Variants in SOX6 observed in about 807,000 individuals in gnomAD.
SOX6 encodes the protein transcription factor SOX-6.
A neutral mutation model predicts 97.8 loss-of-function variants in SOX6; 11 were observed. That is an observed-to-expected ratio of 0.11 (90% CI 0.07 to 0.19). SOX6 has a LOEUF of 0.19. Among genes scored for constraint, SOX6 ranks in the 10% least tolerant of loss-of-function variants. SOX6 has a pLI of 1.00. For missense variants in SOX6, 810 were observed against 1,039.5 expected (o/e 0.78, Z 3.04); for synonymous variants, 360 against 371.4 (o/e 0.97, Z 0.35).
At chr11:16,173,089 A>G (rs995280125) in intron 6 of SOX6, among the ~76,000 whole-genome samples, 2 of 151,952 alleles carry the variant, frequency 1.3e-5, no homozygotes, top group Non-Finnish European at 2.9e-5. Context: ...TTGGGAGGAT[A>G]AGAGTTAGAA....
At chr11:16,230,018 G>A (rs1852802512) in intron 4 of SOX6, among the ~76,000 whole-genome samples, 1 of 151,754 alleles carries the variant, frequency 6.6e-6, no homozygotes. Flanking sequence ...ATAAAATGAT[G>A]CAGTACATTT....
At chr11:15,993,090 T>A (rs1224619040) in intron 13 of SOX6, among the ~76,000 whole-genome samples, 1 of 152,134 alleles carries the variant, frequency 6.6e-6, no homozygotes, top group Non-Finnish European at 1.5e-5. Flanking sequence ...CATATGATTA[T>A]GTGTGTGTGT....
intron 13 of SOX6, among the ~76,000 whole-genome samples, chr11:16,004,724 A>T (rs1397147747): frequency 6.6e-6 from 1 of 152,046 alleles, no homozygotes; most frequent in Admixed American, 6.6e-5. Flanking sequence ...CTATAGGAAA[A>T]AGCTAATCCA....
chr11:16,473,552 C>CTT (rs61587370), intron 1 of SOX6, among the ~76,000 whole-genome samples: 48 of 132,784 alleles, frequency 3.6e-4, no homozygotes, highest in Middle Eastern at 4.0e-3. Flanking sequence ...GTGACAATTC[C>CTT]TTTTTTTTTT....
In SOX6 at chr11:16,379,775, A is replaced by G. The variant is rs536031784; in HGVS notation, c.-4-38523T>C. Among the ~76,000 whole-genome samples the G allele has an allele frequency of 3.3e-5, 5 of 152,110 alleles. No individual in the cohort carries two copies. In the South Asian group the frequency reaches 1.0e-3, roughly 31 times the overall value. ...TAAAGAAATAATTACAGATGTGTGC[A>G]AAGATTTAGCTACAGATGAGTTTAC... On this transcript the variant is annotated intron_variant, in intron 1 of 15. Transcript: ENST00000396356.
At chr11:16,616,120 C>G (rs1723770557) in intron 3 of SOX6, among the ~76,000 whole-genome samples, 1 of 152,084 alleles carries the variant, frequency 6.6e-6, no homozygotes, top group African/African-American at 2.4e-5. Context: ...ACCCACTTGC[C>G]TCTTCCCAAA....
chr11:16,352,324 T>C (rs1856971183), intron 1 of SOX6, among the ~76,000 whole-genome samples: 1 of 151,672 alleles, frequency 6.6e-6, no homozygotes, highest in Non-Finnish European at 1.5e-5. Context: ...GTTGAAGAGA[T>C]GGTTGAAAAG....
intron 3 of SOX6, among the ~76,000 whole-genome samples, chr11:16,616,929 A>T (rs1417867598): frequency 6.6e-6 from 1 of 151,946 alleles, no homozygotes; most frequent in East Asian, 1.9e-4. Flanking sequence ...CAGTTCTAAA[A>T]GAAGACTGAA....
In SOX6 at chr11:16,055,832, G is replaced by C. The variant is rs542653072; in HGVS notation, c.1171C>G (p.Pro391Ala). The C allele has an allele frequency of 6.2e-7, 1 of 1,613,780 alleles. No homozygotes were observed. Among genetic ancestry groups the C allele is most frequent in the African/African-American group, 1.3e-5 (1 of 74,996 alleles). The stretch of plus-strand genomic sequence containing the variant: ...GAGACCGTCCCTGCTGTGTTTGGTG[G>C]CTGTGGAGTTGATGGCATCTTTGCT... ...PGAKMPSTPQ[P>A]PNTAGTVSPT... Residue 391 changes from proline to alanine, a missense_variant, in exon 10 of 16, where the codon CCA becomes GCA. Physicochemically the swap from Pro to Ala is conservative, Grantham distance 27. Transcript: ENST00000683767.
At position 15,971,879 on chromosome 11, in the gene SOX6, A is replaced by C. The variant is rs1050345556; in HGVS notation, c.*930T>G. 2.6e-5 allele frequency: 4 copies of C among 152,618 alleles called. No homozygotes were observed. Among genetic ancestry groups the C allele is most frequent in the African/African-American group, 9.7e-5 (4 of 41,440 alleles). 9.5% of individuals were successfully genotyped at this position (152,618 alleles called of 1,614,324 possible). A position where few individuals can be genotyped will look rare whatever the true frequency, so the allele number is the denominator to read the frequency against. On this transcript the variant is annotated 3_prime_UTR_variant, in exon 16 of 16. Transcript: ENST00000683767. Reference sequence around the variant, plus strand: ...CTGGAATGAATAAATTATTTAAGATAAAATGTGTTAAGACTGAATGTCAGG... The same window carrying C: ...CTGGAATGAATAAATTATTTAAGATCAAATGTGTTAAGACTGAATGTCAGG...
intron 15 of SOX6, among the ~76,000 whole-genome samples, chr11:15,979,694 C>T (rs530862856): frequency 6.6e-6 from 1 of 152,208 alleles, no homozygotes; most frequent in African/African-American, 2.4e-5. Flanking sequence ...CGCCTCAAAA[C>T]CTTTACAGTT....
At chr11:16,653,275 C>A (rs967853460) in intron 3 of SOX6, among the ~76,000 whole-genome samples, 9 of 152,102 alleles carry the variant, frequency 5.9e-5, no homozygotes, top group Non-Finnish European at 1.2e-4. Context: ...GGGTATCTAC[C>A]CAGAGGAAAA....
chr11:16,122,492 A>G (rs1432902267), intron 6 of SOX6, among the ~76,000 whole-genome samples: 1 of 152,004 alleles, frequency 6.6e-6, no homozygotes, highest in Admixed American at 6.6e-5. Context: ...AATATTTGTG[A>G]ATAATATGGC....
intron 12 of SOX6, among the ~76,000 whole-genome samples, chr11:16,046,301 A>G (rs1026133643): frequency 2.6e-5 from 4 of 152,170 alleles, no homozygotes; most frequent in Non-Finnish European, 4.4e-5. Flanking sequence ...GTAGGTTGGG[A>G]GGCAACTTAC....
At chr11:16,409,553 T>A (rs1305846586) in intron 1 of SOX6, among the ~76,000 whole-genome samples, 1 of 152,156 alleles carries the variant, frequency 6.6e-6, no homozygotes, top group Admixed American at 6.5e-5. Context: ...AATCACTGAC[T>A]AATCATGAAC....
chr11:16,532,314 T>C (rs929489007), intron 4 of SOX6, among the ~76,000 whole-genome samples: 28 of 151,892 alleles, frequency 1.8e-4, no homozygotes, highest in African/African-American at 6.8e-4. Flanking sequence ...TTCAGTTTTT[T>C]AATCCACTGT....
At chr11:16,162,214 T>C (rs556893000) in intron 6 of SOX6, among the ~76,000 whole-genome samples, 11 of 152,304 alleles carry the variant, frequency 7.2e-5, no homozygotes, top group African/African-American at 2.2e-4. Flanking sequence ...ACAGAAAGAA[T>C]TAGGTTCAGA....
chr11:16,249,096 CA>C (rs1554948939), intron 3 of SOX6, among the ~76,000 whole-genome samples: 73 of 146,760 alleles, frequency 5.0e-4, no homozygotes, highest in African/African-American at 1.4e-3. Flanking sequence ...GGCTCTGTCT[CA>C]AAAAAAAAAA....
intron 4 of SOX6, among the ~76,000 whole-genome samples, chr11:16,502,348 T>C (rs1860721452): frequency 6.6e-6 from 1 of 152,030 alleles, no homozygotes; most frequent in Admixed American, 6.6e-5. Context: ...CATTAGGAGA[T>C]ATACCTAATG....
Sources: gnomAD v4.1 joint callset for allele counts (sites outside exome capture counted in the v4.1 genomes callset) on GRCh38, gnomAD v4.1.1 for gene constraint, MANE v1.5 for transcripts, NCBI Gene and HGNC (gene_info 2026-07-23, HGNC 2026-07-21) for gene names.